The following SPDL1 variants were observed in gnomAD, a reference collection of about 807,000 sequenced individuals.
The protein encoded by SPDL1 is protein Spindly.
Under a neutral mutation model 79.5 loss-of-function variants are expected in SPDL1, and 85 were observed. The ratio of observed to expected loss-of-function variants is 1.07; its 90% CI spans 0.90 to 1.28. The LOEUF is 1.28. Among genes scored for constraint, SPDL1 ranks in the 50% most tolerant of loss-of-function variants. The probability of loss-of-function intolerance (pLI) is 0.00; values close to 1 mark genes in which losing one functional copy is unlikely to be tolerated. For missense variants in SPDL1, 703 were observed against 697.8 expected, an observed-to-expected ratio of 1.01 and a Z score of -0.08; for synonymous variants, 269 against 240.3, an observed-to-expected ratio of 1.12 and a Z score of -1.10.
intron 7 of SPDL1, among the ~76,000 whole-genome samples, 193 bp from the exon 8 acceptor site, chr5:169,596,365 CATT>C (rs1755577541): frequency 6.6e-6 from 1 of 152,100 alleles, no homozygotes; most frequent in African/African-American, 2.4e-5. Context: ...CTTCAGTTAT[CATT>C]CATAAGTAGT....
At chr5:169,601,708 T>C (rs1277351172) in intron 11 of SPDL1, 83 bp downstream of exon 11, 3 of 1,224,156 alleles carry the variant, frequency 2.5e-6, no homozygotes, top group Admixed American at 3.9e-5. Context: ...TGTCTGTTTC[T>C]TTATCTACTT....
intron 7 of SPDL1, 38 bp downstream of exon 7, chr5:169,594,719 T>G: frequency 1.4e-6 from 2 of 1,437,784 alleles, no homozygotes; most frequent in Non-Finnish European, 1.9e-6. Flanking sequence ...ATTAAACAAA[T>G]TTTGTGTCAG....
intron 1 of SPDL1, among the ~76,000 whole-genome samples, chr5:169,588,034 T>C (rs1332806334): frequency 1.3e-5 from 2 of 152,204 alleles, no homozygotes; most frequent in Admixed American, 1.3e-4. Flanking sequence ...TACTTTTTTG[T>C]TATTCCCTTA....
At position 169,601,299 on chromosome 5, in the gene SPDL1, A is replaced by C; in HGVS notation, c.1344A>C (p.Val448=). 1 of 1,610,700 alleles carries C rather than the reference A, an allele frequency of 6.2e-7. No individual in the cohort carries two copies. The highest frequency in any genetic ancestry group is 1.1e-5 in the South Asian group (1 of 90,928). Residue 448 remains valine (V), a synonymous_variant, in exon 11 of 12, where the codon GTA becomes GTC. Coordinates refer to ENST00000265295, the MANE Select transcript of SPDL1 (RefSeq NM_017785.5). ...TCTCAGAGACAGTTGAAGTGCCTGTACTGAAAAAGAGGCGTGAGGTGCTCC... is the reference window on the plus strand; with the variant it reads ...TCTCAGAGACAGTTGAAGTGCCTGTCCTGAAAAAGAGGCGTGAGGTGCTCC... The part of the protein sequence containing the change: ...YEPEETVEVP[V]LKKRREVLPV...
rs962382390 is a variant in SPDL1, at chr5:169,594,594, G to A, written c.804G>A (p.Met268Ile). The change falls in exon 7 of 12, where the codon ATG becomes ATA. Residue 268 changes from methionine (M) to isoleucine (I), a missense_variant. Coordinates refer to ENST00000265295, the MANE Select transcript of SPDL1 (RefSeq NM_017785.5). The stretch of plus-strand genomic sequence containing the variant: ...AGGTGGAAGATCGAAGGGCAGCAAT[G>A]GAACGTCAGCTCATCAGTATGAAAG... ...FAEVEDRRAA[M>I]ERQLISMKVK... The A allele has an allele frequency of 2.5e-6, 4 of 1,613,818 alleles. No homozygotes were observed. Among genetic ancestry groups the A allele is most frequent in the Non-Finnish European group, 3.4e-6 (4 of 1,179,874 alleles).
chr5:169,594,336 A>G lies in SPDL1; in HGVS notation c.681+42A>G, dbSNP rs541766377. The G allele has an allele frequency of 4.9e-5, 79 of 1,612,532 alleles. 1 individual carries two copies. The South Asian group carries it at 7.7e-4, about 16-fold the overall frequency. On this transcript the variant is annotated intron_variant, in intron 5 of 11. Coordinates refer to ENST00000265295, the MANE Select transcript of SPDL1 (RefSeq NM_017785.5). ...AACATCATGTTTTCCAATTTATCAT[A>G]ACTTATTTTCTTGCTAATGTAATCT...
At chr5:169,602,989 T>C (rs1483276315) in intron 11 of SPDL1, among the ~76,000 whole-genome samples, 2 of 152,136 alleles carry the variant, frequency 1.3e-5, no homozygotes, top group African/African-American at 2.4e-5. Flanking sequence ...TTTTTCTGCC[T>C]TTTTTTGCTT....
chr5:169,602,920 G>A (rs1388815837), intron 11 of SPDL1, among the ~76,000 whole-genome samples: 1 of 152,076 alleles, frequency 6.6e-6, no homozygotes, highest in Non-Finnish European at 1.5e-5. Flanking sequence ...GTATATTTCT[G>A]GAGGTGGATT....
intron 8 of SPDL1, 61 bp downstream of exon 8, chr5:169,596,762 GT>G: frequency 2.8e-6 from 4 of 1,433,396 alleles, no homozygotes; most frequent in Non-Finnish European, 2.8e-6. Flanking sequence ...TTAAAATTTG[GT>G]TTGTTTTTTA....
At chr5:169,588,113 TACA>T (rs1220547444) in intron 1 of SPDL1, among the ~76,000 whole-genome samples, 1 of 152,226 alleles carries the variant, frequency 6.6e-6, no homozygotes, top group Non-Finnish European at 1.5e-5. Context: ...AAGCTTAGCA[TACA>T]ACAACTGAAC....
At chr5:169,593,321 T>G in intron 3 of SPDL1, 33 bp from the exon 4 acceptor site, 2 of 1,538,256 alleles carry the variant, frequency 1.3e-6, no homozygotes, top group Non-Finnish European at 1.8e-6. Flanking sequence ...GAAAATAACT[T>G]TCAATTTATG....
chr5:169,598,851 T>C (rs879446622), intron 9 of SPDL1, 121 bp from the exon 10 acceptor site: 26 of 1,328,674 alleles, frequency 2.0e-5, no homozygotes, highest in Non-Finnish European at 2.3e-5. Flanking sequence ...TCTTTGTTAC[T>C]AAAAACCCCA....
intron 10 of SPDL1, 75 bp from the exon 11 acceptor site, chr5:169,601,205 A>C: frequency 7.7e-7 from 1 of 1,306,080 alleles, no homozygotes; most frequent in South Asian, 1.4e-5. Context: ...ACATATAACT[A>C]GTTCTGGCTT....
chr5:169,600,720 A>G (rs541483804), intron 10 of SPDL1, among the ~76,000 whole-genome samples: 1 of 152,352 alleles, frequency 6.6e-6, no homozygotes, highest in East Asian at 1.9e-4. Flanking sequence ...AGTATCCATC[A>G]TAAAAGTAGT....
chr5:169,586,957 C>G (rs1437744518), intron 1 of SPDL1, among the ~76,000 whole-genome samples: 3 of 152,180 alleles, frequency 2.0e-5, no homozygotes, highest in South Asian at 2.1e-4. Flanking sequence ...TTTGCCCACT[C>G]TCTACTATCT....
intron 11 of SPDL1, 134 bp from the exon 12 acceptor site, chr5:169,603,926 T>TA (rs1756059583): frequency 1.2e-6 from 1 of 807,874 alleles, no homozygotes; most frequent in Non-Finnish European, 1.9e-6. Context: ...TTAATATTCT[T>TA]ACAGTATTAG....
In SPDL1 at chr5:169,596,543, G is replaced by T. The variant is rs774675884; in HGVS notation, c.892-18G>T. The T allele has an allele frequency of 6.3e-6, 10 of 1,597,814 alleles. No homozygotes were observed. The highest frequency in any genetic ancestry group is 8.5e-6 in the Non-Finnish European group (10 of 1,171,450). ...CTCTCACTTAATTTTATTAGAGGGG[G>T]TAATTTTATTTTTCTAGTTACAAAT... On this transcript the variant is annotated intron_variant, in intron 7 of 11. Coordinates refer to ENST00000265295, the MANE Select transcript of SPDL1 (RefSeq NM_017785.5).
rs968780593 is a variant in SPDL1, at chr5:169,604,369, A to G, written c.*162A>G. 3 of 583,134 alleles carry G rather than the reference A, an allele frequency of 5.1e-6. No homozygotes were observed. Among genetic ancestry groups the G allele is most frequent in the Admixed American group, 7.4e-5 (2 of 27,094 alleles). 36.1% of individuals were successfully genotyped at this position (583,134 alleles called of 1,614,324 possible). On this transcript the variant is annotated 3_prime_UTR_variant, in exon 12 of 12. Transcript: ENST00000265295. ...TGACCAAGTGTTCAGAATTTGCTTG[A>G]CTCTAACCTGGAGAGCTTCTTAAGT...
intron 7 of SPDL1, among the ~76,000 whole-genome samples, chr5:169,594,966 GA>G (rs1755516463): frequency 6.6e-6 from 1 of 152,142 alleles, no homozygotes; most frequent in South Asian, 2.1e-4. Flanking sequence ...GTAGAAGAAA[GA>G]AAAGTATTTA....
Sources: gnomAD v4.1 joint callset for allele counts (sites outside exome capture counted in the v4.1 genomes callset) on GRCh38, gnomAD v4.1.1 for gene constraint, MANE v1.5 for transcripts, NCBI Gene and HGNC (gene_info 2026-07-23, HGNC 2026-07-21) for gene names.